The following VWDE variants were observed in gnomAD, a reference collection of about 807,000 sequenced individuals.
VWDE encodes the protein von Willebrand factor D and EGF domains, also known as von Willebrand factor D and EGF domain-containing protein.
In VWDE, 207 loss-of-function variants were observed where a neutral mutation model predicts 178.4. That is an observed-to-expected ratio of 1.16 (90% CI 1.04 to 1.30). The LOEUF (loss-of-function observed/expected upper bound fraction) is 1.30. Ranked by LOEUF, VWDE falls within the 50% of genes most tolerant of loss-of-function variation. The pLI is 0.00. For missense variants in VWDE, 2,287 were observed against 1,901.3 expected (o/e 1.20, Z -3.77); for synonymous variants, 738 against 651.4 (o/e 1.13, Z -2.02).
intron 3 of VWDE, chr7:12,388,760 A>C (rs1784226647): frequency 2.9e-6 from 1 of 347,810 alleles, no homozygotes; most frequent in African/African-American, 2.1e-5. Context: ...TGGTGAATGA[A>C]AGATGAAATA....
intron 26 of VWDE, 146 bp from the exon 27 acceptor site, chr7:12,336,382 A>G: frequency 1.5e-6 from 1 of 667,814 alleles, no homozygotes; most frequent in South Asian, 2.0e-5. Context: ...TTTATCAAGA[A>G]CATTTTTGAA....
intron 19 of VWDE, 148 bp downstream of exon 19, chr7:12,351,425 G>A: frequency 1.2e-6 from 1 of 803,518 alleles, no homozygotes; most frequent in Non-Finnish European, 1.8e-6. Context: ...AGATTAGCAA[G>A]AGAAAGGATA....
At position 12,380,635 on chromosome 7, in the gene VWDE, C is replaced by A. The variant is rs1484575974; in HGVS notation, c.640G>T (p.Val214Phe). Residue 214 changes from valine to phenylalanine, a missense_variant, in exon 5 of 29, where the codon GTT becomes TTT. Transcript: ENST00000275358. ...SRLFCRCSFDVPATKNSVGFH... is the reference protein window; with the variant it reads ...SRLFCRCSFDFPATKNSVGFH... ...CCCACTGAGTTTTTTGTAGCGGGAACATCAAAAGAACACCTACAGAAAAGC... is the reference window on the plus strand; with the variant it reads ...CCCACTGAGTTTTTTGTAGCGGGAAAATCAAAAGAACACCTACAGAAAAGC... The A allele has an allele frequency of 1.1e-5, 17 of 1,552,238 alleles. No individual in the cohort carries two copies. Among genetic ancestry groups the A allele is most frequent in the Non-Finnish European group, 1.4e-5 (16 of 1,147,132 alleles).
At chr7:12,378,272 T>C (rs1410350232) in intron 6 of VWDE, among the ~76,000 whole-genome samples, 1 of 152,252 alleles carries the variant, frequency 6.6e-6, no homozygotes, top group Non-Finnish European at 1.5e-5. Context: ...TAATGTTTAC[T>C]GACACACCAA....
chr7:12,398,624 T>C (rs897895953), intron 1 of VWDE, among the ~76,000 whole-genome samples: 1 of 152,168 alleles, frequency 6.6e-6, no homozygotes, highest in African/African-American at 2.4e-5. Context: ...GCAATACTCA[T>C]TGTTTCAGTG....
chr7:12,353,135 C>T (rs12667317), intron 18 of VWDE, among the ~76,000 whole-genome samples: 2 of 151,734 alleles, frequency 1.3e-5, no homozygotes, highest in Non-Finnish European at 2.9e-5. Flanking sequence ...CCACAGACTG[C>T]GGGGCTTAAA....
At chr7:12,365,938 C>G (rs2053378) in intron 13 of VWDE, among the ~76,000 whole-genome samples, 14,606 of 152,040 alleles carry the variant, frequency 0.096, 931 homozygotes, top group Non-Finnish European at 0.14. Context: ...CCCCAGGGAT[C>G]GAGGGAGGGA....
intron 1 of VWDE, 76 bp from the exon 2 acceptor site, chr7:12,393,854 T>C: frequency 7.9e-7 from 1 of 1,272,548 alleles, no homozygotes; most frequent in Non-Finnish European, 1.1e-6. Context: ...TTAAAATTGA[T>C]TCCCAAAACA....
chr7:12,388,973 C>A, intron 3 of VWDE, 154 bp downstream of exon 3: 2 of 742,946 alleles, frequency 2.7e-6, no homozygotes, highest in Non-Finnish European at 4.9e-6. Flanking sequence ...GAAATTTGAC[C>A]AATGTAAACA....
chr7:12,336,466 T>A (rs1208606205), intron 26 of VWDE, among the ~76,000 whole-genome samples: 2 of 152,240 alleles, frequency 1.3e-5, no homozygotes, highest in Admixed American at 1.3e-4. Flanking sequence ...CGTCGTGATT[T>A]AACTTTTCTC....
At chr7:12,360,847 G>A (rs1300052357) in intron 15 of VWDE, among the ~76,000 whole-genome samples, 1 of 152,074 alleles carries the variant, frequency 6.6e-6, no homozygotes, top group Non-Finnish European at 1.5e-5. Context: ...ATCTCTTATT[G>A]GAAAGTCATT....
At chr7:12,398,201 A>G (rs1454352428) in intron 1 of VWDE, among the ~76,000 whole-genome samples, 3 of 152,298 alleles carry the variant, frequency 2.0e-5, no homozygotes, top group African/African-American at 4.8e-5. Flanking sequence ...AATGTAGTAT[A>G]CCTGAAACTG....
At chr7:12,346,185 T>TA (rs1218824284) in intron 19 of VWDE, among the ~76,000 whole-genome samples, 1 of 152,106 alleles carries the variant, frequency 6.6e-6, no homozygotes, top group East Asian at 1.9e-4. Context: ...TTAAATAGTA[T>TA]AAAAGTCAAA....
At chr7:12,346,246 T>C (rs1193020646) in intron 19 of VWDE, among the ~76,000 whole-genome samples, 2 of 152,156 alleles carry the variant, frequency 1.3e-5, no homozygotes, top group Non-Finnish European at 2.9e-5. Flanking sequence ...AAACACCTGT[T>C]GATCACCTCA....
chr7:12,369,182 T>C (rs1367913638), intron 12 of VWDE, among the ~76,000 whole-genome samples: 1 of 152,084 alleles, frequency 6.6e-6, no homozygotes, highest in Non-Finnish European at 1.5e-5. Flanking sequence ...TGATTCCCTA[T>C]AGGTAGAGGG....
rs1781485777 is a variant in VWDE at position 12,344,279 on chromosome 7, G to T, written c.3994C>A (p.Pro1332Thr). 2.5e-5 allele frequency: 38 copies of T among 1,550,828 alleles called. No homozygotes were observed. The highest frequency in any genetic ancestry group is 3.2e-5 in the Non-Finnish European group (37 of 1,146,512). Residue 1332 changes from proline to threonine, a missense_variant, in exon 21 of 29, where the codon CCT becomes ACT. Coordinates refer to ENST00000275358, the MANE Select transcript of VWDE (RefSeq NM_001135924.3). ...CATTTTCCATGGTTTTTGCAATCAG[G>T]GTCACAAAGAGCTGTATAAAATAAA... The part of the protein sequence containing the change: ...GSNCQTALCD[P>T]DCKNHGKCIK...
intron 2 of VWDE, among the ~76,000 whole-genome samples, chr7:12,390,105 C>T (rs1784309327): frequency 6.7e-6 from 1 of 150,318 alleles, no homozygotes; most frequent in South Asian, 2.1e-4. Context: ...GTGGAGGCTG[C>T]AGTGAGCTGA....
chr7:12,357,311 A>G lies in VWDE; in HGVS notation c.3479T>C (p.Val1160Ala), dbSNP rs1260780545. Residue 1160 changes from valine to alanine, a missense_variant, in exon 17 of 29, where the codon GTA becomes GCA. Val to Ala is a moderately conservative substitution (Grantham distance 64). Coordinates refer to ENST00000275358, the MANE Select transcript of VWDE (RefSeq NM_001135924.3). ...AGCATCGCAGTCATCATTAAGGCGT[A>G]CAGTAATTTGTTGGGTAGTTAGTAA... ...TDLLTTQQIT[V>A]RLNDDCDAET... 7 of 1,552,182 alleles carry G rather than the reference A, an allele frequency of 4.5e-6. No homozygotes were observed. Among genetic ancestry groups the G allele is most frequent in the Non-Finnish European group, 6.1e-6 (7 of 1,147,132 alleles).
At chr7:12,396,656 C>G (rs1784639663) in intron 1 of VWDE, among the ~76,000 whole-genome samples, 1 of 152,126 alleles carries the variant, frequency 6.6e-6, no homozygotes, top group South Asian at 2.1e-4. Flanking sequence ...GCCTATAATT[C>G]CAGCACTTTG....
Sources: allele counts gnomAD v4.1 joint callset (sites outside exome capture counted in the v4.1 genomes callset), GRCh38; gene constraint gnomAD v4.1.1; transcripts MANE v1.5; gene names NCBI Gene and HGNC (gene_info 2026-07-23, HGNC 2026-07-21).